The following PPP3CA variants were observed in gnomAD, a reference collection of about 807,000 sequenced individuals.
PPP3CA encodes protein phosphatase 3 catalytic subunit alpha.
A neutral mutation model predicts 66.5 loss-of-function variants in PPP3CA; 14 were observed. The ratio of observed to expected loss-of-function variants is 0.21; its 90% CI spans 0.14 to 0.33. PPP3CA has a LOEUF of 0.33. Among genes scored for constraint, PPP3CA ranks in the 10% least tolerant of loss-of-function variants. PPP3CA has a pLI of 1.00. For missense variants in PPP3CA, 317 were observed against 639.5 expected, an observed-to-expected ratio of 0.50 and a Z score of 5.44; for synonymous variants, 232 against 226.2, an observed-to-expected ratio of 1.03 and a Z score of -0.23.
At chr4:101,229,474 T>C (rs1725889881) in intron 1 of PPP3CA, among the ~76,000 whole-genome samples, 1 of 151,742 alleles carries the variant, frequency 6.6e-6, no homozygotes, top group Non-Finnish European at 1.5e-5. Context: ...AGCAAAAGTG[T>C]ATAATTTTAT....
chr4:101,176,306 A>G (rs1315803394), intron 2 of PPP3CA, among the ~76,000 whole-genome samples: 1 of 152,228 alleles, frequency 6.6e-6, no homozygotes, highest in African/African-American at 2.4e-5. Flanking sequence ...ATTTTAATAC[A>G]GCCAACAGAA....
chr4:101,272,501 A>G (rs931679991), intron 1 of PPP3CA, among the ~76,000 whole-genome samples: 23 of 152,214 alleles, frequency 1.5e-4, no homozygotes, highest in Non-Finnish European at 2.6e-4. Context: ...TTCATCCAAG[A>G]AAAGTATGTT....
At chr4:101,283,298 C>A (rs918331933) in intron 1 of PPP3CA, among the ~76,000 whole-genome samples, 20 of 152,152 alleles carry the variant, frequency 1.3e-4, no homozygotes, top group Admixed American at 1.3e-3. Flanking sequence ...AATAGCAAAA[C>A]ATCTAAGCCT....
At chr4:101,026,362 A>G (rs1560567495) in intron 13 of PPP3CA, among the ~76,000 whole-genome samples, 1 of 152,218 alleles carries the variant, frequency 6.6e-6, no homozygotes, top group Non-Finnish European at 1.5e-5. Context: ...TGGACACATA[A>G]AGAGGAAAGC....
intron 3 of PPP3CA, among the ~76,000 whole-genome samples, chr4:101,107,362 G>A (rs940246861): frequency 3.3e-5 from 5 of 152,220 alleles, no homozygotes; most frequent in South Asian, 2.1e-4. Flanking sequence ...GTTTTGCAAC[G>A]TAGATTTAGG....
At chr4:101,313,764 T>C (rs1728797691) in intron 1 of PPP3CA, among the ~76,000 whole-genome samples, 1 of 152,242 alleles carries the variant, frequency 6.6e-6, no homozygotes, top group Non-Finnish European at 1.5e-5. Context: ...AGCAAATGGC[T>C]AACCTGGCTT....
intron 1 of PPP3CA, among the ~76,000 whole-genome samples, chr4:101,255,792 T>A (rs1726821879): frequency 6.6e-6 from 1 of 151,952 alleles, no homozygotes; most frequent in African/African-American, 2.4e-5. Flanking sequence ...TTCAAAAGTG[T>A]ACTAAAATAT....
chr4:101,038,327 C>T (rs967779832), intron 11 of PPP3CA, among the ~76,000 whole-genome samples: 11 of 152,048 alleles, frequency 7.2e-5, no homozygotes, highest in African/African-American at 2.7e-4. Flanking sequence ...TCTAATGCCA[C>T]AGCAGGGTAT....
At chr4:101,093,659 C>T (rs1345449395) in intron 6 of PPP3CA, 117 bp downstream of exon 6, 1 of 1,034,174 alleles carries the variant, frequency 9.7e-7, no homozygotes, top group Admixed American at 2.9e-5. Context: ...TGCTAGTGAG[C>T]CTTTCATTTA....
chr4:101,311,020 C>A lies in PPP3CA; in HGVS notation c.58+35719G>T, dbSNP rs114823451. Among the ~76,000 whole-genome samples, 1,058 of 152,124 alleles carry A rather than the reference C, an allele frequency of 7.0e-3. 17 individuals are homozygous for A. Among genetic ancestry groups the A allele is most frequent in the African/African-American group, 0.024 (1,010 of 41,510 alleles). On this transcript the variant is annotated intron_variant, in intron 1 of 13. Transcript: ENST00000394854. Reference sequence around the variant, plus strand: ...TATGGAAGGAGACTAACTTAAAAATCAAAAATTAGACAATTCTAACTTACG... The same window carrying A: ...TATGGAAGGAGACTAACTTAAAAATAAAAAATTAGACAATTCTAACTTACG...
At chr4:101,230,637 T>C (rs1725930918) in intron 1 of PPP3CA, among the ~76,000 whole-genome samples, 1 of 151,640 alleles carries the variant, frequency 6.6e-6, no homozygotes, top group Non-Finnish European at 1.5e-5. Flanking sequence ...ACCCACTCCA[T>C]CCTTTACTCT....
At chr4:101,127,735 C>T (rs1043621165) in intron 2 of PPP3CA, among the ~76,000 whole-genome samples, 1 of 150,652 alleles carries the variant, frequency 6.6e-6, no homozygotes, top group African/African-American at 2.4e-5. Context: ...AGTTCTATTG[C>T]TATACATATG....
chr4:101,062,057 G>A (rs982599688), intron 9 of PPP3CA, among the ~76,000 whole-genome samples: 14 of 152,000 alleles, frequency 9.2e-5, no homozygotes, highest in African/African-American at 3.4e-4. Flanking sequence ...TGGATTTTGT[G>A]TACCAATAGA....
chr4:101,232,437 G>T (rs926085685), intron 1 of PPP3CA, among the ~76,000 whole-genome samples: 23 of 151,680 alleles, frequency 1.5e-4, no homozygotes, highest in African/African-American at 5.6e-4. Flanking sequence ...AAAAAAAATT[G>T]TAGCTACTTC....
intron 8 of PPP3CA, among the ~76,000 whole-genome samples, chr4:101,073,044 A>C (rs1728989494): frequency 6.6e-6 from 1 of 151,878 alleles, no homozygotes; most frequent in South Asian, 2.1e-4. Context: ...TTAATTACAC[A>C]TATTGAATCT....
At chr4:101,129,906 T>C (rs1451304633) in intron 2 of PPP3CA, among the ~76,000 whole-genome samples, 4 of 152,084 alleles carry the variant, frequency 2.6e-5, no homozygotes, top group African/African-American at 7.2e-5. Context: ...GTTTGACCAA[T>C]TGACAGAAGT....
chr4:101,277,224 G>T (rs1727524129), intron 1 of PPP3CA, among the ~76,000 whole-genome samples: 1 of 151,994 alleles, frequency 6.6e-6, no homozygotes, highest in Non-Finnish European at 1.5e-5. Flanking sequence ...ATTTCTATGT[G>T]GCTTGGTACC....
intron 2 of PPP3CA, among the ~76,000 whole-genome samples, chr4:101,174,710 G>T (rs1208633249): frequency 2.0e-5 from 3 of 152,126 alleles, no homozygotes; most frequent in Non-Finnish European, 2.9e-5. Context: ...TAAGTCTGGG[G>T]AAGGTGAGAT....
At chr4:101,037,928 A>G (rs976404181) in intron 11 of PPP3CA, among the ~76,000 whole-genome samples, 20 of 152,208 alleles carry the variant, frequency 1.3e-4, no homozygotes, top group African/African-American at 4.8e-4. Context: ...AAGAATTTAT[A>G]CTAGACTACA....
Sources: gnomAD v4.1 joint callset for allele counts (sites outside exome capture counted in the v4.1 genomes callset) on GRCh38, gnomAD v4.1.1 for gene constraint, MANE v1.5 for transcripts, NCBI Gene and HGNC (gene_info 2026-07-23, HGNC 2026-07-21) for gene names.